Variants in SCMH1 observed in about 807,000 individuals in gnomAD.
SCMH1 encodes Scm polycomb group protein homolog 1, also known as polycomb protein SCMH1.
Under a neutral mutation model 70.8 loss-of-function variants are expected in SCMH1, and 37 were observed. That is an observed-to-expected ratio of 0.52 (90% confidence interval 0.40 to 0.69). The LOEUF (loss-of-function observed/expected upper bound fraction) is 0.69. Among genes scored for constraint, SCMH1 ranks in the 30% least tolerant of loss-of-function variants. The probability of loss-of-function intolerance (pLI) is 0.00; values close to 1 mark genes in which losing one functional copy is unlikely to be tolerated. For synonymous variants in SCMH1, 292 were observed against 307.4 expected (o/e 0.95, Z 0.52); for missense variants, 607 against 827.3 (o/e 0.73, Z 3.27).
chr1:41,106,751 G>A (rs976051427), intron 8 of SCMH1, among the ~76,000 whole-genome samples: 6 of 151,582 alleles, frequency 4.0e-5, no homozygotes, highest in South Asian at 4.2e-4. Context: ...GTGCAGTGGC[G>A]CAATCTCAGC....
chr1:41,216,573 T>C (rs1658131347), intron 1 of SCMH1, among the ~76,000 whole-genome samples: 1 of 152,208 alleles, frequency 6.6e-6, no homozygotes, highest in African/African-American at 2.4e-5. Flanking sequence ...GTTTGAAGGC[T>C]GAAGGCTTCC....
chr1:41,220,628 T>C (rs898587439), intron 1 of SCMH1, among the ~76,000 whole-genome samples: 3 of 152,236 alleles, frequency 2.0e-5, no homozygotes, highest in African/African-American at 7.2e-5. Context: ...TGTTAACACA[T>C]GTTACGGTGA....
At chr1:41,067,390 G>A (rs1260730567) in intron 10 of SCMH1, among the ~76,000 whole-genome samples, 2 of 146,754 alleles carry the variant, frequency 1.4e-5, no homozygotes, top group Non-Finnish European at 3.0e-5. Context: ...GTTGCAGTGA[G>A]CTGAGATCGC....
chr1:41,039,726 G>T (rs116204331), intron 12 of SCMH1, among the ~76,000 whole-genome samples: 1 of 151,488 alleles, frequency 6.6e-6, no homozygotes. Flanking sequence ...TGCCCACCTC[G>T]GTCTCCCAAA....
chr1:41,218,410 G>A (rs961983166), intron 1 of SCMH1, among the ~76,000 whole-genome samples: 2 of 152,222 alleles, frequency 1.3e-5, no homozygotes, highest in East Asian at 3.9e-4. Flanking sequence ...TGAAAACAGA[G>A]ATACACAGGG....
intron 1 of SCMH1, among the ~76,000 whole-genome samples, chr1:41,200,008 T>C (rs1022426231): frequency 2.0e-5 from 3 of 152,214 alleles, no homozygotes; most frequent in Non-Finnish European, 4.4e-5. Context: ...ACAGTGTGTA[T>C]GTACAGAGGC....
At chr1:41,044,668 G>A (rs531490191) in intron 12 of SCMH1, among the ~76,000 whole-genome samples, 8 of 152,288 alleles carry the variant, frequency 5.3e-5, no homozygotes, top group Admixed American at 4.6e-4. Flanking sequence ...GTCTGAAAAT[G>A]GGGAAGGGAG....
intron 10 of SCMH1, among the ~76,000 whole-genome samples, chr1:41,059,207 C>A (rs1651692496): frequency 6.6e-6 from 1 of 152,188 alleles, no homozygotes; most frequent in South Asian, 2.1e-4. Flanking sequence ...TAGAAGAGGG[C>A]AATTCCCTGG....
chr1:41,151,698 A>G lies in SCMH1; in HGVS notation c.107-14T>C. ...AGGTAAAATGACCTGTAAAGGAAATAGAAATCTATATCACAGTCAACTTCC... is the reference window on the plus strand; with the variant it reads ...AGGTAAAATGACCTGTAAAGGAAATGGAAATCTATATCACAGTCAACTTCC... On this transcript the variant is annotated splice_polypyrimidine_tract_variant and intron_variant, in intron 4 of 14. Coordinates refer to ENST00000337495, the Ensembl canonical transcript of SCMH1. The G allele has an allele frequency of 6.3e-7, 1 of 1,587,946 alleles. No individual in the cohort carries two copies. The highest frequency in any genetic ancestry group is 2.2e-5 in the East Asian group (1 of 44,672).
chr1:41,048,793 A>G, exon 11 of SCMH1: 2 of 1,614,228 alleles, frequency 1.2e-6, no homozygotes, highest in Non-Finnish European at 1.7e-6. Context: ...GCAACACCAC[A>G]GAGGCACGGG....
chr1:41,227,981 G>C (rs1302045016), intron 1 of SCMH1, among the ~76,000 whole-genome samples: 1 of 152,082 alleles, frequency 6.6e-6, no homozygotes, highest in Non-Finnish European at 1.5e-5. Context: ...GCAAGACTCT[G>C]TCTCAAAAAC....
intron 6 of SCMH1, among the ~76,000 whole-genome samples, chr1:41,139,810 G>A (rs527530302): frequency 4.6e-5 from 7 of 152,212 alleles, no homozygotes; most frequent in African/African-American, 1.4e-4. Flanking sequence ...AGGTGAAAGA[G>A]ATTTCTCTGA....
intron 6 of SCMH1, among the ~76,000 whole-genome samples, chr1:41,140,850 G>A (rs1572535240): frequency 2.6e-5 from 4 of 152,286 alleles, no homozygotes; most frequent in Middle Eastern, 3.4e-3. Flanking sequence ...ATATAAAAGA[G>A]TCAGGAGACA....
intron 6 of SCMH1, among the ~76,000 whole-genome samples, chr1:41,140,817 G>T (rs1643990744): frequency 6.6e-6 from 1 of 152,132 alleles, no homozygotes; most frequent in African/African-American, 2.4e-5. Context: ...ATCCAAGAGA[G>T]CTATCAAATA....
chr1:41,206,939 T>C (rs1655689170), intron 1 of SCMH1, among the ~76,000 whole-genome samples: 3 of 152,148 alleles, frequency 2.0e-5, no homozygotes, highest in African/African-American at 7.2e-5. Context: ...CCCGCCAAAC[T>C]AAGCTTCATA....
In SCMH1 at chr1:41,029,091, T is replaced by C. The variant is rs564345687; in HGVS notation, c.1679-365A>G. On this transcript the variant is annotated intron_variant, in intron 13 of 14. Transcript: ENST00000337495. ...TCTGGGGGACCATTTCTAGAGAGAC[T>C]GGTAGCCTGGTAAGATTAGAGACAA... Among the ~76,000 whole-genome samples the C allele has an allele frequency of 5.3e-5, 8 of 152,250 alleles. No individual in the cohort carries two copies. In the South Asian group the frequency reaches 1.7e-3, roughly 32 times the overall value.
intron 10 of SCMH1, among the ~76,000 whole-genome samples, chr1:41,064,118 A>G (rs1378817977): frequency 2.0e-5 from 3 of 152,242 alleles, no homozygotes; most frequent in African/African-American, 7.2e-5. Flanking sequence ...ATAATCTATC[A>G]TATCAACAGG....
chr1:41,173,436 C>G (rs550615702), intron 2 of SCMH1, among the ~76,000 whole-genome samples: 1 of 152,206 alleles, frequency 6.6e-6, no homozygotes, highest in African/African-American at 2.4e-5. Flanking sequence ...ACCCTAGTTA[C>G]AGTGGCTACT....
chr1:41,080,098 C>CTGTT (rs200243629), intron 8 of SCMH1, among the ~76,000 whole-genome samples: 1 of 151,878 alleles, frequency 6.6e-6, no homozygotes, highest in Non-Finnish European at 1.5e-5. Flanking sequence ...TTTAAAAAAT[C>CTGTT]TGTTTGTTTG....
Sources: allele counts gnomAD v4.1 joint callset (sites outside exome capture counted in the v4.1 genomes callset), GRCh38; gene constraint gnomAD v4.1.1; transcripts MANE v1.5; gene names NCBI Gene and HGNC (gene_info 2026-07-23, HGNC 2026-07-21).